DPY19L4: variants seen among roughly 807,000 people sequenced by gnomAD.
DPY19L4 encodes the protein dpy-19 like 4, also known as probable C-mannosyltransferase DPY19L4.
DPY19L4 carries 97 observed loss-of-function variants against 102.8 expected under a neutral mutation model. The ratio of observed to expected loss-of-function variants is 0.94; its 90% confidence interval spans 0.80 to 1.12. DPY19L4 has a LOEUF of 1.12. Among genes scored for constraint, DPY19L4 ranks in the 50% most tolerant of loss-of-function variants. The probability of loss-of-function intolerance (pLI) is 0.00; values close to 1 mark genes in which losing one functional copy is unlikely to be tolerated. For synonymous variants in DPY19L4, 252 were observed against 283.1 expected (o/e 0.89, Z 1.10); for missense variants, 815 against 850.4 (o/e 0.96, Z 0.52).
chr8:94,759,005 C>G (rs1586372695), intron 7 of DPY19L4, among the ~76,000 whole-genome samples: 2 of 151,974 alleles, frequency 1.3e-5, no homozygotes, highest in Non-Finnish European at 1.5e-5. Context: ...AAAGTGTGTC[C>G]GGAGTTGGTT....
chr8:94,769,628 G>A (rs943343942), intron 12 of DPY19L4, among the ~76,000 whole-genome samples: 10 of 151,774 alleles, frequency 6.6e-5, no homozygotes, highest in Non-Finnish European at 1.2e-4. Context: ...GACGCAGGAG[G>A]ATTGCTTGAG....
intron 10 of DPY19L4, 59 bp downstream of exon 10, chr8:94,765,868 C>G: frequency 9.1e-7 from 1 of 1,094,276 alleles, no homozygotes. Flanking sequence ...ATATATTGGA[C>G]TACATTTTAA....
chr8:94,762,226 G>T (rs1372736738), intron 8 of DPY19L4, among the ~76,000 whole-genome samples: 4 of 152,226 alleles, frequency 2.6e-5, no homozygotes, highest in Non-Finnish European at 5.9e-5. Context: ...GGCGTCTGAG[G>T]ATGTGGCTAT....
rs560096265 is a variant in DPY19L4 at position 94,793,794 on chromosome 8, A to G, written c.*3884A>G. 1.3e-5 allele frequency: 2 copies of G among 152,202 alleles called. No homozygotes were observed. Among genetic ancestry groups the G allele is most frequent in the African/African-American group, 4.8e-5 (2 of 41,452 alleles). The allele number at this position is 152,202 out of a possible 1,614,324, so 9.4% of individuals were successfully genotyped here. Reference sequence around the variant, plus strand: ...ATTTTCTGTACATTAATGTCTAAACATTATACTTACTTTTTCATAATAAAG... The same window carrying G: ...ATTTTCTGTACATTAATGTCTAAACGTTATACTTACTTTTTCATAATAAAG... On this transcript the variant is annotated 3_prime_UTR_variant, in exon 19 of 19. Coordinates refer to ENST00000414645, the MANE Select transcript of DPY19L4 (RefSeq NM_181787.3).
intron 10 of DPY19L4, among the ~76,000 whole-genome samples, chr8:94,766,175 G>T (rs1028404875): frequency 9.9e-5 from 15 of 152,084 alleles, no homozygotes; most frequent in African/African-American, 3.4e-4. Flanking sequence ...GGAGTTTGAG[G>T]CCAGCTTGGC....
chr8:94,765,765 T>C lies in DPY19L4; in HGVS notation c.1057T>C (p.Tyr353His), dbSNP rs1309674369. Residue 353 changes from tyrosine (Y) to histidine (H), a missense_variant, in exon 10 of 19, where the codon TAC becomes CAC. Tyr to His is a moderately conservative substitution (Grantham distance 83). Coordinates refer to ENST00000414645, the MANE Select transcript of DPY19L4 (RefSeq NM_181787.3). ...VAKIIKVINF[Y>H]LVCTLTITLN... Reference sequence around the variant, plus strand: ...TAAAATAATAAAAGTGATTAATTTTTACTTGGTGTGTACTCTGACAATAAC... The same window carrying C: ...TAAAATAATAAAAGTGATTAATTTTCACTTGGTGTGTACTCTGACAATAAC... 1 of 1,603,100 alleles carries C rather than the reference T, an allele frequency of 6.2e-7. No individual in the cohort carries two copies. Among genetic ancestry groups the C allele is most frequent in the Non-Finnish European group, 8.5e-7 (1 of 1,172,128 alleles).
At chr8:94,789,016 T>C (rs368741552) in intron 18 of DPY19L4, among the ~76,000 whole-genome samples, 1 of 152,238 alleles carries the variant, frequency 6.6e-6, no homozygotes, top group Non-Finnish European at 1.5e-5. Context: ...TTAGTGGCTG[T>C]GATCTTTGGT....
In DPY19L4 at chr8:94,781,073, T is replaced by TA; in HGVS notation, c.1633-11_1633-10insA. 1 of 1,555,992 alleles carries TA rather than the reference T, an allele frequency of 6.4e-7. No individual in the cohort carries two copies. Among genetic ancestry groups the TA allele is most frequent in the Non-Finnish European group, 8.7e-7 (1 of 1,155,752 alleles). On this transcript the variant is annotated splice_polypyrimidine_tract_variant and intron_variant, in intron 15 of 18. Coordinates refer to ENST00000414645, the MANE Select transcript of DPY19L4 (RefSeq NM_181787.3). ...TTTTGGGGATTTTTTTTTTTTTTTTTTGCATTTTAGTTTTTTCCCAGATTA... is the reference window on the plus strand; with the variant it reads ...TTTTGGGGATTTTTTTTTTTTTTTTTATGCATTTTAGTTTTTTCCCAGATTA...
intron 8 of DPY19L4, among the ~76,000 whole-genome samples, chr8:94,763,818 G>GC (rs1812509327): frequency 6.6e-6 from 1 of 152,056 alleles, no homozygotes; most frequent in Non-Finnish European, 1.5e-5. Flanking sequence ...GTGAGCCACT[G>GC]CGCCCAGCCC....
Position 94,777,669 on chromosome 8 carries a change from G to A in DPY19L4, c.1458G>A (p.Leu486=), listed in dbSNP as rs745574324. The change falls in exon 14 of 19, where the codon TTG becomes TTA. Residue 486 remains leucine, a synonymous_variant. Coordinates refer to ENST00000414645, the MANE Select transcript of DPY19L4 (RefSeq NM_181787.3). ...TGACTCCATTTGTGTTTTCTAGCTT[G>A]AAGTACATCTGGATTCCTTATGTGT... ...LGSLAMVIEG[L]KYIWIPYVCM... 17 of 1,611,564 alleles carry A rather than the reference G, an allele frequency of 1.1e-5. No homozygotes were observed. The African/African-American group carries it at 2.0e-4, about 19-fold the overall frequency.
intron 6 of DPY19L4, among the ~76,000 whole-genome samples, chr8:94,748,132 G>A (rs1019468723): frequency 8.5e-5 from 13 of 152,134 alleles, no homozygotes; most frequent in South Asian, 2.1e-4. Flanking sequence ...CATAGGTGTC[G>A]AGGGAGGTGG....
chr8:94,728,269 C>A (rs1484014300), intron 2 of DPY19L4, among the ~76,000 whole-genome samples: 1 of 152,238 alleles, frequency 6.6e-6, no homozygotes, highest in Non-Finnish European at 1.5e-5. Context: ...TCTGCACATC[C>A]CCCCACTCTC....
intron 12 of DPY19L4, 144 bp from the exon 13 acceptor site, chr8:94,770,308 T>C (rs1434680039): frequency 3.2e-6 from 3 of 943,950 alleles, no homozygotes; most frequent in Non-Finnish European, 4.5e-6. Flanking sequence ...GAATATACTT[T>C]CAAATTTTAA....
At chr8:94,739,921 T>G (rs78446062) in intron 6 of DPY19L4, 131 bp downstream of exon 6, 13 of 1,138,646 alleles carry the variant, frequency 1.1e-5, no homozygotes, top group Non-Finnish European at 1.5e-5. Context: ...GAGATGCCAT[T>G]CCCATGATTA....
chr8:94,782,405 C>T (rs1010232932), intron 16 of DPY19L4, among the ~76,000 whole-genome samples: 2 of 152,064 alleles, frequency 1.3e-5, no homozygotes, highest in Non-Finnish European at 2.9e-5. Flanking sequence ...ACTGCTTACA[C>T]GGTGCTTACT....
At chr8:94,739,312 G>C in intron 4 of DPY19L4, 101 bp from the exon 5 acceptor site, 1 of 1,352,388 alleles carries the variant, frequency 7.4e-7, no homozygotes, top group South Asian at 1.7e-5. Context: ...TTCTATTTGG[G>C]ATCTTTCTTG....
chr8:94,739,275 A>T (rs2130818063), intron 4 of DPY19L4, 138 bp from the exon 5 acceptor site: 1 of 1,106,478 alleles, frequency 9.0e-7, no homozygotes, highest in African/African-American at 1.6e-5. Flanking sequence ...CTAAATTTTT[A>T]AAAAATGGAA....
intron 13 of DPY19L4, among the ~76,000 whole-genome samples, chr8:94,776,678 T>C (rs1029783073): frequency 2.0e-5 from 3 of 152,016 alleles, no homozygotes; most frequent in African/African-American, 7.2e-5. Context: ...AAAACTCTTG[T>C]GTGTGGCCAG....
intron 6 of DPY19L4, among the ~76,000 whole-genome samples, chr8:94,746,147 C>T (rs188862713): frequency 4.8e-5 from 7 of 147,064 alleles, no homozygotes; most frequent in African/African-American, 1.8e-4. Flanking sequence ...CTACAATGTC[C>T]ACCTCCTGGG....
Sources: gnomAD v4.1 joint callset for allele counts (sites outside exome capture counted in the v4.1 genomes callset) on GRCh38, gnomAD v4.1.1 for gene constraint, MANE v1.5 for transcripts, NCBI Gene and HGNC (gene_info 2026-07-23, HGNC 2026-07-21) for gene names.